The following UTP14A variants were observed in gnomAD, a reference collection of about 807,000 sequenced individuals.
The protein encoded by UTP14A is U3 small nucleolar RNA-associated protein 14 homolog A.
A neutral mutation model predicts 57.2 loss-of-function variants in UTP14A; 5 were observed. That is an observed-to-expected ratio of 0.09 (90% CI 0.05 to 0.18). The LOEUF (loss-of-function observed/expected upper bound fraction) is 0.18, where lower values mean the gene tolerates loss of function less well. Ranked by LOEUF, UTP14A falls within the 10% of genes least tolerant of loss-of-function variation. UTP14A has a pLI of 1.00. For missense variants in UTP14A, 430 were observed against 562.1 expected, an observed-to-expected ratio of 0.76 and a Z score of 2.38; for synonymous variants, 169 against 210.9, an observed-to-expected ratio of 0.80 and a Z score of 1.72.
chrX:129,921,665 C>G, intron 11 of UTP14A, 78 bp downstream of exon 11: 1 of 1,068,716 alleles, frequency 9.4e-7, no homozygotes, highest in South Asian at 2.3e-5. Context: ...ATGTGTCCAC[C>G]CACACACAAA....
In UTP14A at chrX:129,906,255, A is replaced by AG; in HGVS notation, c.26+25dup. Reference sequence around the variant, plus strand: ...CAGAGAGGTGAAGGGCAACGAGGGGAGGGGGGATTCTGGGTCTCGTTGGGG... The same window carrying AG: ...CAGAGAGGTGAAGGGCAACGAGGGGAGGGGGGGATTCTGGGTCTCGTTGGGG... On this transcript the variant is annotated intron_variant, in intron 1 of 14. Transcript: ENST00000394422. 8.4e-7 allele frequency: 1 copy of AG among 1,188,644 alleles called. No homozygotes were observed. The highest frequency in any genetic ancestry group is 1.1e-6 in the Non-Finnish European group (1 of 880,850).
At chrX:129,917,674 CA>C (rs979687037) in intron 6 of UTP14A, among the ~76,000 whole-genome samples, 2 of 111,598 alleles carry the variant, frequency 1.8e-5, no homozygotes, top group Non-Finnish European at 3.8e-5. Context: ...AGGCTGATTA[CA>C]TGAAGGTCTT....
At chrX:129,927,301 G>C (rs1180137662) in intron 14 of UTP14A, among the ~76,000 whole-genome samples, 9 of 111,388 alleles carry the variant, frequency 8.1e-5, no homozygotes, top group Non-Finnish European at 1.7e-4. Flanking sequence ...AGGTGCCTAG[G>C]GGGGACTTCT....
intron 11 of UTP14A, among the ~76,000 whole-genome samples, chrX:129,924,283 CTTT>C (rs556719731): frequency 2.4e-5 from 2 of 82,537 alleles, no homozygotes; most frequent in Non-Finnish European, 2.3e-5. Context: ...TCACATGCTA[CTTT>C]TTTTTTTTTT....
intron 11 of UTP14A, among the ~76,000 whole-genome samples, chrX:129,923,569 C>A (rs771782592): frequency 3.4e-4 from 38 of 111,774 alleles, no homozygotes; most frequent in African/African-American, 1.2e-3. Context: ...GCCACTGTGC[C>A]AAGCCAGCCC....
chrX:129,926,941 G>A (rs1930128997), intron 14 of UTP14A, among the ~76,000 whole-genome samples: 1 of 112,199 alleles, frequency 8.9e-6, no homozygotes, highest in East Asian at 2.8e-4. Context: ...CTACAGAACA[G>A]AGGTAAGAAG....
chrX:129,906,801 A>G (rs747360343), intron 1 of UTP14A, among the ~76,000 whole-genome samples: 4 of 111,693 alleles, frequency 3.6e-5, no homozygotes, highest in Admixed American at 9.6e-5. Context: ...TTACTAAGCA[A>G]GCCCCAGGGA....
chrX:129,908,579 C>A, intron 3 of UTP14A, 91 bp from the exon 4 acceptor site: 1 of 857,226 alleles, frequency 1.2e-6, no homozygotes, highest in Non-Finnish European at 1.7e-6. Flanking sequence ...GAAACCAAAG[C>A]CCTGTTTGAA....
chrX:129,906,221 A>G lies in UTP14A; in HGVS notation c.11A>G (p.Asn4Ser). The change falls in exon 1 of 15, where the codon AAC (asparagine) becomes AGC (serine). Residue 4 changes from asparagine (N) to serine (S), a missense_variant. Around this residue, in one of 4 missense-constraint regions of UTP14A, gnomAD observed 145 missense variants for 153.5 expected, o/e 0.94. Coordinates refer to ENST00000394422, the MANE Select transcript of UTP14A (RefSeq NM_006649.4). MTA[N>S]RLAESLLALS... ...AAGCTGGCTGCTGAAATGACTGCGA[A>G]CCGGCTTGCAGAGAGGTGAAGGGCA... is the stretch of plus-strand genomic sequence containing the variant. 1.7e-6 allele frequency: 2 copies of G among 1,208,732 alleles called. No individual in the cohort carries two copies. The highest frequency in any genetic ancestry group is 2.2e-6 in the Non-Finnish European group (2 of 894,134).
In UTP14A at chrX:129,908,212, T is replaced by C. The variant is rs1285943754; in HGVS notation, c.173+82T>C. 8.6e-6 allele frequency: 7 copies of C among 809,557 alleles called. No homozygotes were observed. In the African/African-American group the frequency reaches 1.3e-4, roughly 15 times the overall value. The allele number at this position is 809,557 out of a possible 1,213,427, so 66.7% of individuals were successfully genotyped here. A position where few individuals can be genotyped will look rare whatever the true frequency, so the allele number is the denominator to read the frequency against. ...CAGCTAATATTTATTGAGTGCTTCA[T>C]GTAAAGACCTTAATACCAGTGCCTA... On this transcript the variant is annotated intron_variant, in intron 3 of 14. Coordinates refer to ENST00000394422, the MANE Select transcript of UTP14A (RefSeq NM_006649.4).
chrX:129,927,216 T>C (rs1434041720), intron 14 of UTP14A, among the ~76,000 whole-genome samples: 1 of 110,884 alleles, frequency 9.0e-6, no homozygotes, highest in Non-Finnish European at 1.9e-5. Flanking sequence ...AATAGTTTTC[T>C]AGGAATCTCC....
chrX:129,913,512 C>T (rs1929558023), intron 6 of UTP14A: 1 of 284,528 alleles, frequency 3.5e-6, no homozygotes, highest in African/African-American at 2.8e-5. Context: ...CAGAAGTAAC[C>T]ACTTGCATAA....
intron 14 of UTP14A, 80 bp from the exon 15 acceptor site, chrX:129,929,256 T>C: frequency 1.8e-6 from 2 of 1,118,356 alleles, no homozygotes; most frequent in Non-Finnish European, 1.2e-6. Context: ...ACCAAAACAG[T>C]ACCTGATGAA....
intron 10 of UTP14A, 103 bp from the exon 11 acceptor site, chrX:129,921,087 TACTC>T: frequency 8.9e-7 from 1 of 1,127,320 alleles, no homozygotes; most frequent in Non-Finnish European, 1.2e-6. Flanking sequence ...CAGTAAGAAA[TACTC>T]ACCAAGTCAA....
In UTP14A at chrX:129,920,601, AC is replaced by A. The variant is rs769318829; in HGVS notation, c.876+26del. ...TGATGGTGAGACTACCTCTTGCCCC[AC>A]CCCCACCCCTTTGAACCAGCTTTCC... On this transcript the variant is annotated intron_variant, in intron 9 of 14. Coordinates refer to ENST00000394422, the MANE Select transcript of UTP14A (RefSeq NM_006649.4). 12 of 772,904 alleles carry A rather than the reference AC, an allele frequency of 1.6e-5. No homozygotes were observed. The Admixed American group carries it at 3.4e-4, about 22-fold the overall frequency. 63.7% of individuals were successfully genotyped at this position (772,904 alleles called of 1,213,427 possible). A position where few individuals can be genotyped will look rare whatever the true frequency, so the allele number is the denominator to read the frequency against.
At chrX:129,919,056 A>C in intron 6 of UTP14A, 119 bp from the exon 7 acceptor site, 1 of 1,073,361 alleles carries the variant, frequency 9.3e-7, no homozygotes, top group Non-Finnish European at 1.3e-6. Flanking sequence ...TGTAACAGCC[A>C]ATCCTATCCA....
chrX:129,906,256 G>C lies in UTP14A; in HGVS notation c.26+20G>C. On this transcript the variant is annotated intron_variant, in intron 1 of 14. Transcript: ENST00000394422. Reference sequence around the variant, plus strand: ...AGAGAGGTGAAGGGCAACGAGGGGAGGGGGGATTCTGGGTCTCGTTGGGGG... The same window carrying C: ...AGAGAGGTGAAGGGCAACGAGGGGACGGGGGATTCTGGGTCTCGTTGGGGG... 1 of 1,197,360 alleles carries C rather than the reference G, an allele frequency of 8.4e-7. No individual in the cohort carries two copies. The highest frequency in any genetic ancestry group is 1.1e-6 in the Non-Finnish European group (1 of 885,595).
chrX:129,915,424 C>T (rs1929647611), intron 6 of UTP14A, among the ~76,000 whole-genome samples: 1 of 105,293 alleles, frequency 9.5e-6, no homozygotes, highest in Non-Finnish European at 1.9e-5. Flanking sequence ...ACTTGGGAGG[C>T]TGAGGCAGGA....
intron 6 of UTP14A, chrX:129,913,465 C>T (rs149840104): frequency 9.2e-6 from 3 of 327,812 alleles, no homozygotes; most frequent in East Asian, 9.8e-5. Flanking sequence ...TGATTCCACC[C>T]GTGCCCCATC....
Sources: allele counts gnomAD v4.1 joint callset (sites outside exome capture counted in the v4.1 genomes callset), GRCh38; gene constraint gnomAD v4.1.1; regional missense constraint gnomAD v4.1.1; transcripts MANE v1.5; gene names NCBI Gene and HGNC (gene_info 2026-07-23, HGNC 2026-07-21).